The following STK32B variants were observed in gnomAD, a reference collection of about 807,000 sequenced individuals.
STK32B encodes serine/threonine kinase 32B, also known as serine/threonine-protein kinase 32B.
A neutral mutation model predicts 52.6 loss-of-function variants in STK32B; 43 were observed. That is an observed-to-expected ratio of 0.82 (90% confidence interval 0.64 to 1.05). STK32B has a LOEUF of 1.05. Among genes scored for constraint, STK32B ranks in the 50% least tolerant of loss-of-function variants. The probability of loss-of-function intolerance (pLI) is 0.00; values close to 1 mark genes in which losing one functional copy is unlikely to be tolerated. For synonymous variants in STK32B, 238 were observed against 204.3 expected, an observed-to-expected ratio of 1.17 and a Z score of -1.41; for missense variants, 621 against 534.6, an observed-to-expected ratio of 1.16 and a Z score of -1.59.
chr4:5,405,960 T>G (rs1737632196), intron 5 of STK32B, among the ~76,000 whole-genome samples: 1 of 152,172 alleles, frequency 6.6e-6, no homozygotes, highest in African/African-American at 2.4e-5. Flanking sequence ...CTTAACTCAT[T>G]TGAGCATTAA....
intron 3 of STK32B, among the ~76,000 whole-genome samples, chr4:5,307,598 G>C (rs539025571): frequency 7.0e-6 from 1 of 142,450 alleles, no homozygotes; most frequent in South Asian, 2.2e-4. Flanking sequence ...GTACCTCCTT[G>C]ATTACTTAAT....
chr4:5,358,512 C>T (rs1472096804), intron 4 of STK32B, among the ~76,000 whole-genome samples: 1 of 151,990 alleles, frequency 6.6e-6, no homozygotes, highest in East Asian at 1.9e-4. Flanking sequence ...AATCTAGGCA[C>T]TCAATACACA....
intron 3 of STK32B, among the ~76,000 whole-genome samples, chr4:5,180,726 C>T (rs1473188134): frequency 6.6e-6 from 1 of 152,108 alleles, no homozygotes; most frequent in Non-Finnish European, 1.5e-5. Context: ...ATTATTGCAG[C>T]CTTGGAAACC....
At chr4:5,140,201 G>A in intron 2 of STK32B, 1 of 1,493,742 alleles carries the variant, frequency 6.7e-7, no homozygotes, top group East Asian at 2.6e-5. Context: ...TTTCAGGATT[G>A]CCAATGCCGT....
rs28405549 is a variant in STK32B, at chr4:5,500,915, G to C, written c.*1832G>C. ...CACGAATTAGGGGCAGGAGCTGGAAGTCGCCCTAGGAACACCAGATTTCCT... is the reference window on the plus strand; with the variant it reads ...CACGAATTAGGGGCAGGAGCTGGAACTCGCCCTAGGAACACCAGATTTCCT... On this transcript the variant is annotated 3_prime_UTR_variant, in exon 12 of 12. Transcript: ENST00000282908. 138 of 152,218 alleles carry C rather than the reference G, an allele frequency of 9.1e-4. 1 individual carries two copies. The highest frequency in any genetic ancestry group is 3.1e-3 in the African/African-American group (128 of 41,548). The allele number at this position is 152,218 out of a possible 1,614,324, so 9.4% of individuals were successfully genotyped here. A position where few individuals can be genotyped will look rare whatever the true frequency, so the allele number is the denominator to read the frequency against.
rs551817339 is a variant in STK32B, at chr4:5,184,073, C to G, written c.260+15623C>G. Among the ~76,000 whole-genome samples, 6 of 152,308 alleles carry G rather than the reference C, an allele frequency of 3.9e-5. No individual in the cohort carries two copies. The East Asian group carries it at 7.7e-4, about 20-fold the overall frequency. ...TTTTAAGTTCCTTCAGTAACTTTTTCTCTGCATTCAGAACTTGGCTAACTG... is the reference window on the plus strand; with the variant it reads ...TTTTAAGTTCCTTCAGTAACTTTTTGTCTGCATTCAGAACTTGGCTAACTG... On this transcript the variant is annotated intron_variant, in intron 3 of 11. Transcript: ENST00000282908.
At chr4:5,449,244 G>C (rs941573599) in intron 7 of STK32B, among the ~76,000 whole-genome samples, 1 of 152,192 alleles carries the variant, frequency 6.6e-6, no homozygotes, top group African/African-American at 2.4e-5. Context: ...TCGAGAGTCT[G>C]AGGCAGGAGA....
chr4:5,167,883 G>T (rs73210288), intron 2 of STK32B, among the ~76,000 whole-genome samples: 28,180 of 152,200 alleles, frequency 0.19, 3,288 homozygotes, highest in East Asian at 0.28. Flanking sequence ...GTGCAGAAGT[G>T]GGAAAGGTGA....
chr4:5,183,764 A>G (rs748316357), intron 3 of STK32B, among the ~76,000 whole-genome samples: 2 of 152,206 alleles, frequency 1.3e-5, no homozygotes, highest in Non-Finnish European at 2.9e-5. Context: ...TCTCCATCAC[A>G]CTTTCTGCTT....
chr4:5,270,352 A>G (rs1158904071), intron 3 of STK32B, among the ~76,000 whole-genome samples: 1 of 152,172 alleles, frequency 6.6e-6, no homozygotes, highest in African/African-American at 2.4e-5. Context: ...GTAGGCCAGA[A>G]GACTAAACTA....
At chr4:5,322,006 TA>T (rs71169693) in intron 3 of STK32B, among the ~76,000 whole-genome samples, 4,652 of 37,724 alleles carry the variant, frequency 0.12, 118 homozygotes, top group Middle Eastern at 0.24. Flanking sequence ...CAAGTCAAAT[TA>T]AAAAAAAAAA....
chr4:5,321,550 G>A lies in STK32B; in HGVS notation c.261-9670G>A, dbSNP rs539415610. 3.3e-5 allele frequency among the ~76,000 whole-genome samples: 5 copies of A among 152,294 alleles called. No homozygotes were observed. In the South Asian group the frequency reaches 1.0e-3, roughly 32 times the overall value. Reference sequence around the variant, plus strand: ...GGCTCACTGTCTGTCCCCGTGAACAGTACGTGTGCCTCTCCTTCGTTGTAC... The same window carrying A: ...GGCTCACTGTCTGTCCCCGTGAACAATACGTGTGCCTCTCCTTCGTTGTAC... On this transcript the variant is annotated intron_variant, in intron 3 of 11. Coordinates refer to ENST00000282908, the MANE Select transcript of STK32B (RefSeq NM_018401.3).
rs369311655 is a variant in STK32B at position 5,205,172 on chromosome 4, C to T, written c.260+36722C>T. On this transcript the variant is annotated intron_variant, in intron 3 of 11. Coordinates refer to ENST00000282908, the MANE Select transcript of STK32B (RefSeq NM_018401.3). ...AGGTCCTCAGACCTTGGGACTGGGA[C>T]TTATATCATTGCCTCTCCTGGTCCT... Among the ~76,000 whole-genome samples, 4 of 151,440 alleles carry T rather than the reference C, an allele frequency of 2.6e-5. No homozygotes were observed. In the East Asian group the frequency reaches 5.8e-4, roughly 22 times the overall value.
chr4:5,151,093 T>A (rs1442251227), intron 2 of STK32B, among the ~76,000 whole-genome samples: 1 of 152,196 alleles, frequency 6.6e-6, no homozygotes, highest in Non-Finnish European at 1.5e-5. Context: ...TAATGGATCT[T>A]TTGAGAAATA....
intron 11 of STK32B, among the ~76,000 whole-genome samples, chr4:5,478,406 C>A (rs947380586): frequency 3.9e-5 from 6 of 152,260 alleles, no homozygotes; most frequent in African/African-American, 1.4e-4. Context: ...CTGAATCCAA[C>A]CAAAGACTCC....
At chr4:5,192,410 G>T (rs572940954) in intron 3 of STK32B, among the ~76,000 whole-genome samples, 14 of 152,202 alleles carry the variant, frequency 9.2e-5, no homozygotes, top group Middle Eastern at 6.8e-3. Flanking sequence ...AGCAGAAGGT[G>T]CAATTTATTT....
chr4:5,360,360 C>T (rs144508039), intron 4 of STK32B, among the ~76,000 whole-genome samples: 1,737 of 152,204 alleles, frequency 0.011, 15 homozygotes, highest in Non-Finnish European at 0.019. Flanking sequence ...AGACTAGATA[C>T]GCTCACAGAT....
At chr4:5,081,832 T>C (rs1119782) in intron 1 of STK32B, among the ~76,000 whole-genome samples, 145,324 of 152,278 alleles carry the variant, frequency 0.95, 69,702 homozygotes, top group East Asian at 1. Context: ...ACTGAGCTTC[T>C]TTAAAAACTA....
chr4:5,146,159 T>G (rs189430459), intron 2 of STK32B, among the ~76,000 whole-genome samples: 15 of 151,894 alleles, frequency 9.9e-5, no homozygotes, highest in Non-Finnish European at 1.5e-4. Context: ...ATAGGATATA[T>G]GTATATATGA....
Sources: allele counts gnomAD v4.1 joint callset (sites outside exome capture counted in the v4.1 genomes callset), GRCh38; gene constraint gnomAD v4.1.1; transcripts MANE v1.5; gene names NCBI Gene and HGNC (gene_info 2026-07-23, HGNC 2026-07-21).